Variants in ST6GAL2 observed in about 807,000 individuals in gnomAD.
ST6GAL2 encodes ST6 beta-galactoside alpha-2,6-sialyltransferase 2.
ST6GAL2 carries 24 observed loss-of-function variants against 37.5 expected under a neutral mutation model. That is an observed-to-expected ratio of 0.64 (90% CI 0.46 to 0.90). The LOEUF (loss-of-function observed/expected upper bound fraction) is 0.90. Among genes scored for constraint, ST6GAL2 ranks in the 40% least tolerant of loss-of-function variants. The pLI, the probability that ST6GAL2 is intolerant of heterozygous loss-of-function variation, is 0.00. For synonymous variants in ST6GAL2, 306 were observed against 295.1 expected (o/e 1.04, Z -0.38); for missense variants, 715 against 712.7 (o/e 1.00, Z -0.04).
chr2:106,870,594 CA>C lies in ST6GAL2; in HGVS notation c.-58+15498del, dbSNP rs531675179. ...CCCAGGCCAAGTTCATCTCTTCTCC[CA>C]AAAGCTTGAGATCCTTTCAAATCCA... On this transcript the variant is annotated intron_variant, in intron 1 of 5. Coordinates refer to ENST00000409382, the MANE Select transcript of ST6GAL2 (RefSeq NM_001142351.2). Among the ~76,000 whole-genome samples, 389 of 152,268 alleles carry C rather than the reference CA, an allele frequency of 2.6e-3. 2 individuals carry two copies. The highest frequency in any genetic ancestry group is 8.9e-3 in the African/African-American group (370 of 41,546).
At chr2:106,862,164 A>T (rs1677826867) in intron 1 of ST6GAL2, among the ~76,000 whole-genome samples, 1 of 152,222 alleles carries the variant, frequency 6.6e-6, no homozygotes, top group African/African-American at 2.4e-5. Context: ...TGCAGCTTAA[A>T]TGAAATGCTA....
rs182201132 is a variant in ST6GAL2, at chr2:106,818,477, C to A, written c.1319-11528G>T. Reference sequence around the variant, plus strand: ...CTTATCCAAGACCACCAAGGCAGTACCTCTACAAGTCTGCAAGGGCCACAG... The same window carrying A: ...CTTATCCAAGACCACCAAGGCAGTAACTCTACAAGTCTGCAAGGGCCACAG... On this transcript the variant is annotated intron_variant, in intron 5 of 5. Coordinates refer to ENST00000409382, the MANE Select transcript of ST6GAL2 (RefSeq NM_001142351.2). Among the ~76,000 whole-genome samples the A allele has an allele frequency of 3.6e-4, 55 of 151,702 alleles. 1 individual carries two copies. The highest frequency in any genetic ancestry group is 1.3e-3 in the African/African-American group (52 of 41,290).
intron 1 of ST6GAL2, among the ~76,000 whole-genome samples, chr2:106,847,219 C>A (rs975031218): frequency 6.6e-6 from 1 of 152,218 alleles, no homozygotes; most frequent in Admixed American, 6.5e-5. Context: ...CTCTCAAGTT[C>A]TGTAAACATC....
At position 106,832,702 on chromosome 2, in the gene ST6GAL2, G is replaced by T. The variant is rs748742407; in HGVS notation, c.1042-36C>A. 7.8e-6 allele frequency: 11 copies of T among 1,402,934 alleles called. No homozygotes were observed. The East Asian group carries it at 2.5e-4, about 32-fold the overall frequency. 86.9% of individuals were successfully genotyped at this position (1,402,934 alleles called of 1,614,324 possible). On this transcript the variant is annotated intron_variant, in intron 3 of 5. Coordinates refer to ENST00000409382, the MANE Select transcript of ST6GAL2 (RefSeq NM_001142351.2). The stretch of plus-strand genomic sequence containing the variant: ...ACAGAAAAACCATTTCAAAGCCAGG[G>T]TTTGGTTTTTAAAAATTGCATTTTA...
intron 1 of ST6GAL2, among the ~76,000 whole-genome samples, chr2:106,854,243 A>G (rs1481181229): frequency 6.6e-6 from 1 of 152,204 alleles, no homozygotes; most frequent in East Asian, 1.9e-4. Context: ...AAGGCCATGC[A>G]CGGTTGACCA....
In ST6GAL2 at chr2:106,806,525, T is replaced by A; in HGVS notation, c.*153A>T. 1.1e-6 allele frequency: 1 copy of A among 871,708 alleles called. No individual in the cohort carries two copies. Among genetic ancestry groups the A allele is most frequent in the Non-Finnish European group, 1.7e-6 (1 of 572,646 alleles). 54.0% of individuals were successfully genotyped at this position (871,708 alleles called of 1,614,324 possible). On this transcript the variant is annotated 3_prime_UTR_variant, in exon 6 of 6. Coordinates refer to ENST00000409382, the MANE Select transcript of ST6GAL2 (RefSeq NM_001142351.2). ...GTTCAAAGCAGTAATACATACTCAA[T>A]GGCTTAGAAAGAGAAGGATTATCAT...
At chr2:106,838,069 CGTACACCTGGCT>C (rs1202378847) in intron 2 of ST6GAL2, among the ~76,000 whole-genome samples, 1 of 152,032 alleles carries the variant, frequency 6.6e-6, no homozygotes. Flanking sequence ...GTTCTGTAAA[CGTACACCTGGCT>C]GTGCATTCCT....
chr2:106,887,179 C>T, upstream of ST6GAL2: 1 of 152,664 alleles, frequency 6.6e-6, no homozygotes, highest in Non-Finnish European at 1.5e-5. Context: ...GCGCGCCTGG[C>T]AGCGCCTGGC....
chr2:106,825,911 G>A (rs6720256), intron 5 of ST6GAL2, among the ~76,000 whole-genome samples: 26 of 152,002 alleles, frequency 1.7e-4, no homozygotes, highest in Non-Finnish European at 1.5e-4. Flanking sequence ...ACCACCTTTC[G>A]CCTATATGAA....
chr2:106,834,196 T>A (rs1676541065), intron 2 of ST6GAL2, 50 bp from the exon 3 acceptor site: 1 of 1,354,292 alleles, frequency 7.4e-7, no homozygotes, highest in South Asian at 1.2e-5. Flanking sequence ...TAGAATCACA[T>A]AATCTAGGAA....
chr2:106,850,627 C>G (rs1050865131), intron 1 of ST6GAL2, among the ~76,000 whole-genome samples: 5 of 152,158 alleles, frequency 3.3e-5, no homozygotes, highest in African/African-American at 1.2e-4. Flanking sequence ...CTACAGAAAT[C>G]ACGATCTGCA....
chr2:106,830,271 AG>A (rs1216615159), intron 4 of ST6GAL2, 31 bp from the exon 5 acceptor site: 1 of 1,585,408 alleles, frequency 6.3e-7, no homozygotes, highest in African/African-American at 1.3e-5. Flanking sequence ...GCAGTCAAGT[AG>A]AAAGAACTAA....
chr2:106,846,277 G>A (rs1348613779), intron 1 of ST6GAL2, among the ~76,000 whole-genome samples: 1 of 152,172 alleles, frequency 6.6e-6, no homozygotes, highest in African/African-American at 2.4e-5. Flanking sequence ...TGTTTGAGAT[G>A]TGTATAGATG....
chr2:106,865,642 A>C (rs1208793924), intron 1 of ST6GAL2, among the ~76,000 whole-genome samples: 4 of 152,160 alleles, frequency 2.6e-5, no homozygotes, highest in Non-Finnish European at 5.9e-5. Flanking sequence ...CCTTAGGTCC[A>C]TCCTCGTTGT....
intron 2 of ST6GAL2, among the ~76,000 whole-genome samples, chr2:106,837,161 C>T (rs1026010529): frequency 3.3e-5 from 5 of 152,088 alleles, no homozygotes; most frequent in African/African-American, 9.7e-5. Flanking sequence ...GAATAATTAA[C>T]GTTTCTTTTC....
intron 1 of ST6GAL2, among the ~76,000 whole-genome samples, chr2:106,883,931 CCT>C (rs1163291542): frequency 6.6e-6 from 1 of 152,122 alleles, no homozygotes; most frequent in Non-Finnish European, 1.5e-5. Context: ...TGGAAAGGAA[CCT>C]ATCATTTATT....
intron 1 of ST6GAL2, among the ~76,000 whole-genome samples, chr2:106,872,303 T>C (rs1469907739): frequency 6.6e-6 from 1 of 152,166 alleles, no homozygotes; most frequent in African/African-American, 2.4e-5. Flanking sequence ...GGTGCATGAG[T>C]CCAGGGCCAA....
Position 106,843,771 on chromosome 2 carries a change from G to A in ST6GAL2, c.207C>T (p.Ser69=), listed in dbSNP as rs374249852. The A allele has an allele frequency of 9.9e-6, 16 of 1,610,076 alleles. No homozygotes were observed. The highest frequency in any genetic ancestry group is 1.4e-5 in the Non-Finnish European group (16 of 1,177,950). ...GGCGTGCGTCCAGGCCCCCAGGCGG[G>A]GAGGGCTCATGTGCGGCGCCCATGA... The part of the protein sequence containing the change: ...RAIMGAAHEP[S]PPGGLDARQA... The change falls in exon 2 of 6, where the codon TCC becomes TCT. Residue 69 remains serine, a synonymous_variant. Coordinates refer to ENST00000409382, the MANE Select transcript of ST6GAL2 (RefSeq NM_001142351.2).
At position 106,843,445 on chromosome 2, in the gene ST6GAL2, C is replaced by G. The variant is rs771652703; in HGVS notation, c.533G>C (p.Arg178Pro). ...CAACACGTGGCTCCTTCTCTGCCTC[C>G]GGTGCCTCTTCTTCACCCGCCTCCT... ...VQRRRVKKRHRRQRRSHVLEE... is the reference protein window; with the variant it reads ...VQRRRVKKRHPRQRRSHVLEE... Residue 178 changes from arginine (R) to proline (P), a missense_variant, in exon 2 of 6, where the codon CGG (arginine) becomes CCG (proline). Arg to Pro is a moderately radical substitution (Grantham distance 103). Coordinates refer to ENST00000409382, the MANE Select transcript of ST6GAL2 (RefSeq NM_001142351.2). 3.1e-6 allele frequency: 5 copies of G among 1,614,130 alleles called. No individual in the cohort carries two copies. The South Asian group carries it at 4.4e-5, about 14-fold the overall frequency.
Sources: allele counts gnomAD v4.1 joint callset (sites outside exome capture counted in the v4.1 genomes callset), GRCh38; gene constraint gnomAD v4.1.1; transcripts MANE v1.5; gene names NCBI Gene and HGNC (gene_info 2026-07-23, HGNC 2026-07-21).